ALPL: variants seen among roughly 807,000 people sequenced by gnomAD.
ALPL encodes the protein alkaline phosphatase, tissue-nonspecific isozyme.
Under a neutral mutation model 51.3 loss-of-function variants are expected in ALPL, and 42 were observed. The ratio of observed to expected loss-of-function variants is 0.82; its 90% CI spans 0.64 to 1.06. The LOEUF (loss-of-function observed/expected upper bound fraction) is 1.06. Ranked by LOEUF, ALPL falls within the 50% of genes least tolerant of loss-of-function variation. The pLI, the probability that ALPL is intolerant of heterozygous loss-of-function variation, is 0.00. For synonymous variants in ALPL, 279 were observed against 296.4 expected (o/e 0.94, Z 0.60); for missense variants, 589 against 709.4 (o/e 0.83, Z 1.93).
chr1:21,545,011 T>G (rs1644235235), intron 1 of ALPL, among the ~76,000 whole-genome samples: 1 of 152,114 alleles, frequency 6.6e-6, no homozygotes, highest in African/African-American at 2.4e-5. Context: ...CAAAACCCAC[T>G]GTCCTACTGT....
At chr1:21,513,988 G>A (rs1280312069) in intron 1 of ALPL, among the ~76,000 whole-genome samples, 1 of 152,182 alleles carries the variant, frequency 6.6e-6, no homozygotes, top group East Asian at 1.9e-4. Context: ...ATGCAGTGAG[G>A]CCATGTAAGA....
intron 1 of ALPL, among the ~76,000 whole-genome samples, chr1:21,545,299 GTTTTTT>G (rs966356993): frequency 7.9e-5 from 12 of 151,266 alleles, no homozygotes; most frequent in South Asian, 2.1e-4. Flanking sequence ...TTTTGTTTTT[GTTTTTT>G]TTTAAGACAG....
rs190734930 is a variant in ALPL at position 21,565,367 on chromosome 1, C to T, written c.648+1151C>T. On this transcript the variant is annotated intron_variant, in intron 6 of 11. Coordinates refer to ENST00000374840, the MANE Select transcript of ALPL (RefSeq NM_000478.6). ...ACATGTGGCCTGGGGCGAGTTCCTT[C>T]CCCTCCCTATGCCTCAGTTTCCCCA... 2.6e-5 allele frequency among the ~76,000 whole-genome samples: 4 copies of T among 152,310 alleles called. No homozygotes were observed. In the East Asian group the frequency reaches 7.7e-4, roughly 29 times the overall value.
intron 1 of ALPL, among the ~76,000 whole-genome samples, chr1:21,547,367 C>T (rs372696672): frequency 2.0e-5 from 3 of 152,114 alleles, no homozygotes; most frequent in South Asian, 2.1e-4. Context: ...GTGTGCAGGG[C>T]GTGGTGGCTG....
chr1:21,567,044 G>A (rs1644575224), intron 6 of ALPL, among the ~76,000 whole-genome samples: 1 of 152,188 alleles, frequency 6.6e-6, no homozygotes, highest in African/African-American at 2.4e-5. Context: ...TGGTCCTGGG[G>A]CACCTTTCCC....
chr1:21,568,840 T>C (rs1471816119), intron 7 of ALPL, among the ~76,000 whole-genome samples: 1 of 151,668 alleles, frequency 6.6e-6, no homozygotes, highest in East Asian at 1.9e-4. Flanking sequence ...ACGGAATAGA[T>C]TGGGGAAGGG....
At chr1:21,548,996 C>T (rs1353051152) in intron 1 of ALPL, among the ~76,000 whole-genome samples, 2 of 152,192 alleles carry the variant, frequency 1.3e-5, no homozygotes, top group Non-Finnish European at 2.9e-5. Context: ...GCAGACATTG[C>T]CTCCACCACT....
intron 1 of ALPL, among the ~76,000 whole-genome samples, chr1:21,520,032 G>A (rs1027386038): frequency 3.3e-5 from 5 of 152,156 alleles, no homozygotes; most frequent in African/African-American, 1.2e-4. Flanking sequence ...ACCCTATCCT[G>A]TTTTAATCAG....
intron 11 of ALPL, 111 bp from the exon 12 acceptor site, chr1:21,577,272 T>C: frequency 6.4e-7 from 1 of 1,552,094 alleles, no homozygotes; most frequent in Non-Finnish European, 8.8e-7. Context: ...CTCCTTTTCC[T>C]CTTCTGTGAA....
At chr1:21,553,381 A>G (rs1029442410) in intron 1 of ALPL, among the ~76,000 whole-genome samples, 5 of 152,170 alleles carry the variant, frequency 3.3e-5, no homozygotes, top group African/African-American at 1.2e-4. Flanking sequence ...ATCTCTTACC[A>G]TAAACGACAA....
chr1:21,572,672 C>T (rs748375964), intron 8 of ALPL, among the ~76,000 whole-genome samples: 6 of 152,078 alleles, frequency 3.9e-5, no homozygotes, highest in Non-Finnish European at 8.8e-5. Flanking sequence ...CGGCTGTGTA[C>T]CCACTCACAG....
chr1:21,540,690 T>C (rs1644172160), intron 1 of ALPL, among the ~76,000 whole-genome samples: 1 of 152,134 alleles, frequency 6.6e-6, no homozygotes, highest in Non-Finnish European at 1.5e-5. Context: ...ACTCCACACA[T>C]TCCTGCCTCC....
At chr1:21,521,837 TTAATAA>T (rs1400656163) in intron 1 of ALPL, among the ~76,000 whole-genome samples, 2 of 152,138 alleles carry the variant, frequency 1.3e-5, no homozygotes, top group Admixed American at 6.6e-5. Context: ...CTTAATTTCT[TTAATAA>T]TAATAATAGT....
intron 1 of ALPL, among the ~76,000 whole-genome samples, chr1:21,524,091 C>G (rs1558528672): frequency 6.6e-6 from 1 of 150,480 alleles, no homozygotes; most frequent in Non-Finnish European, 1.5e-5. Flanking sequence ...GCCACCTCCA[C>G]CTCCCAGGTT....
At chr1:21,569,777 C>A (rs911246096) in intron 7 of ALPL, among the ~76,000 whole-genome samples, 1 of 152,176 alleles carries the variant, frequency 6.6e-6, no homozygotes, top group African/African-American at 2.4e-5. Flanking sequence ...TAGCTGGCTT[C>A]TTTCTGTGGA....
intron 1 of ALPL, among the ~76,000 whole-genome samples, chr1:21,543,213 G>C (rs1644212520): frequency 6.6e-6 from 1 of 152,118 alleles, no homozygotes; most frequent in East Asian, 1.9e-4. Flanking sequence ...TGGAATAGGA[G>C]AAGTAGGAAT....
intron 9 of ALPL, 100 bp downstream of exon 9, chr1:21,573,899 G>A (rs1202886663): frequency 1.0e-5 from 16 of 1,575,940 alleles, no homozygotes; most frequent in African/African-American, 5.4e-5. Flanking sequence ...TGGTTTGGGG[G>A]TGAAGGGAGA....
chr1:21,550,975 G>A (rs1644313386), intron 1 of ALPL, among the ~76,000 whole-genome samples: 1 of 152,192 alleles, frequency 6.6e-6, no homozygotes, highest in Non-Finnish European at 1.5e-5. Context: ...CAGGGCTGAT[G>A]TGCACATTCT....
At chr1:21,563,960 G>T in intron 5 of ALPL, 81 bp from the exon 6 acceptor site, 2 of 1,553,812 alleles carry the variant, frequency 1.3e-6, no homozygotes, top group East Asian at 2.3e-5. Flanking sequence ...TGTCTTTAGC[G>T]GGGAGGGGGA....
Sources: allele counts gnomAD v4.1 joint callset (sites outside exome capture counted in the v4.1 genomes callset), GRCh38; gene constraint gnomAD v4.1.1; transcripts MANE v1.5; gene names NCBI Gene and HGNC (gene_info 2026-07-23, HGNC 2026-07-21).